The following ITGB1 variants were observed in gnomAD, a reference collection of about 807,000 sequenced individuals.
The protein encoded by ITGB1 is integrin subunit beta 1.
In ITGB1, 24 loss-of-function variants were observed where a neutral mutation model predicts 86.5. The ratio of observed to expected loss-of-function variants is 0.28; its 90% CI spans 0.20 to 0.39. The LOEUF (loss-of-function observed/expected upper bound fraction) is 0.39. Among genes scored for constraint, ITGB1 ranks in the 10% least tolerant of loss-of-function variants. The pLI, the probability that ITGB1 is intolerant of heterozygous loss-of-function variation, is 1.00. For missense variants in ITGB1, 556 were observed against 946.9 expected, an observed-to-expected ratio of 0.59 and a Z score of 5.42; for synonymous variants, 323 against 316.8, an observed-to-expected ratio of 1.02 and a Z score of -0.21.
intron 11 of ITGB1, 36 bp from the exon 12 acceptor site, chr10:32,912,160 C>T: frequency 1.9e-6 from 3 of 1,565,332 alleles, no homozygotes; most frequent in South Asian, 1.1e-5. Flanking sequence ...TCACACAAAA[C>T]AAAAATAATT....
intron 6 of ITGB1, 40 bp from the exon 7 acceptor site, chr10:32,923,780 C>G: frequency 6.5e-7 from 1 of 1,547,272 alleles, no homozygotes; most frequent in Non-Finnish European, 8.8e-7. Context: ...ACACTATTCA[C>G]AGTAATTCAA....
chr10:32,935,693 C>T, intron 1 of ITGB1, 135 bp from the exon 2 acceptor site: 2 of 651,630 alleles, frequency 3.1e-6, no homozygotes. Context: ...CACTCCAGCC[C>T]CTCTCCACAG....
intron 1 of ITGB1, among the ~76,000 whole-genome samples, chr10:32,948,196 T>G (rs1420755280): frequency 6.6e-6 from 1 of 152,202 alleles, no homozygotes; most frequent in Non-Finnish European, 1.5e-5. Context: ...TATTATACTC[T>G]TTATAGATTC....
chr10:32,935,581 T>C (rs200477252), intron 1 of ITGB1, 23 bp from the exon 2 acceptor site: 2 of 1,517,552 alleles, frequency 1.3e-6, no homozygotes, highest in Non-Finnish European at 1.8e-6. Flanking sequence ...ATGTGCCTTA[T>C]ATTAGTTATA....
intron 11 of ITGB1, among the ~76,000 whole-genome samples, chr10:32,912,878 G>A (rs1418577418): frequency 6.6e-6 from 1 of 152,196 alleles, no homozygotes; most frequent in Non-Finnish European, 1.5e-5. Flanking sequence ...GTGGGTCCCT[G>A]AGCCCGAGTA....
rs768647991 is a variant in ITGB1 at position 32,922,297 on chromosome 10, T to C, written c.1088A>G (p.Asn363Ser). ...PKSAVGTLSA[N>S]SSNVIQLIID... ...GATCAACTGAATTACATTGCTAGAA[T>C]TTGCAGATAATGTTCCTACTGCTGA... The change falls in exon 9 of 16, where the codon AAT (asparagine) becomes AGT (serine). Residue 363 changes from asparagine (N) to serine (S), a missense_variant. Coordinates refer to ENST00000302278, the MANE Select transcript of ITGB1 (RefSeq NM_002211.4). The C allele has an allele frequency of 1.9e-6, 3 of 1,610,144 alleles. No homozygotes were observed. The highest frequency in any genetic ancestry group is 1.1e-5 in the South Asian group (1 of 90,428).
At chr10:32,921,445 G>C (rs2094949670) in intron 9 of ITGB1, among the ~76,000 whole-genome samples, 2 of 152,102 alleles carry the variant, frequency 1.3e-5, no homozygotes, top group South Asian at 4.1e-4. Context: ...CATATGGTAG[G>C]CTGGCCTTTC....
At chr10:32,947,432 C>CGTGTGT (rs1186872641) in intron 1 of ITGB1, among the ~76,000 whole-genome samples, 46,093 of 137,146 alleles carry the variant, frequency 0.34, 8,848 homozygotes, top group Non-Finnish European at 0.43. Context: ...CACATATAGC[C>CGTGTGT]GTGTGTGTGT....
chr10:32,905,637 GC>G (rs907158292), intron 15 of ITGB1, among the ~76,000 whole-genome samples: 1 of 152,180 alleles, frequency 6.6e-6, no homozygotes, highest in Non-Finnish European at 1.5e-5. Flanking sequence ...TGACTAACCA[GC>G]CGTGGGAACT....
intron 1 of ITGB1, among the ~76,000 whole-genome samples, chr10:32,937,192 A>G (rs2095004796): frequency 6.6e-6 from 1 of 152,226 alleles, no homozygotes; most frequent in African/African-American, 2.4e-5. Context: ...CCTATATCCA[A>G]TAACAGGGAA....
intron 13 of ITGB1, 114 bp from the exon 14 acceptor site, chr10:32,910,569 A>T (rs1366253032): frequency 1.6e-6 from 1 of 628,872 alleles, no homozygotes; most frequent in Non-Finnish European, 2.7e-6. Flanking sequence ...ACAGCTATGA[A>T]GGAAGATTTC....
At chr10:32,940,163 G>A (rs1377127922) in intron 1 of ITGB1, among the ~76,000 whole-genome samples, 1 of 152,070 alleles carries the variant, frequency 6.6e-6, no homozygotes, top group Non-Finnish European at 1.5e-5. Flanking sequence ...GGCCAACATG[G>A]TGAAACCCCG....
chr10:32,954,855 A>G (rs1439248817), intron 1 of ITGB1, among the ~76,000 whole-genome samples: 2 of 152,210 alleles, frequency 1.3e-5, no homozygotes, highest in East Asian at 1.9e-4. Context: ...AGTTAACTCT[A>G]CCTTCTAAAG....
At chr10:32,905,530 G>C (rs562587896) in intron 15 of ITGB1, among the ~76,000 whole-genome samples, 1 of 152,266 alleles carries the variant, frequency 6.6e-6, no homozygotes, top group South Asian at 2.1e-4. Context: ...ACCAGGTAAC[G>C]GGACTTCTGA....
At chr10:32,911,032 C>A (rs1156426124) in intron 13 of ITGB1, among the ~76,000 whole-genome samples, 1 of 152,170 alleles carries the variant, frequency 6.6e-6, no homozygotes, top group Non-Finnish European at 1.5e-5. Flanking sequence ...AGCCACTGTG[C>A]TCGGCCAAAA....
chr10:32,912,351 C>CA (rs1443132154), intron 11 of ITGB1, among the ~76,000 whole-genome samples: 2 of 152,196 alleles, frequency 1.3e-5, no homozygotes, highest in Non-Finnish European at 2.9e-5. Context: ...GGCATCGCCT[C>CA]ACCCGGGAAG....
chr10:32,945,663 A>G (rs2095029821), intron 1 of ITGB1, among the ~76,000 whole-genome samples: 1 of 152,084 alleles, frequency 6.6e-6, no homozygotes, highest in South Asian at 2.1e-4. Flanking sequence ...AAAAAGTTAC[A>G]TGTCATTTGG....
At chr10:32,943,674 G>A (rs774046257) in intron 1 of ITGB1, among the ~76,000 whole-genome samples, 6 of 152,076 alleles carry the variant, frequency 3.9e-5, no homozygotes, top group Non-Finnish European at 7.4e-5. Flanking sequence ...GAAAAGGCCT[G>A]TATTAAAAAT....
intron 1 of ITGB1, among the ~76,000 whole-genome samples, chr10:32,945,455 C>T (rs369162741): frequency 4.6e-5 from 7 of 151,772 alleles, no homozygotes; most frequent in Admixed American, 6.6e-5. Flanking sequence ...AAAAATTAGC[C>T]GGGCGTGGTG....
Sources: allele counts gnomAD v4.1 joint callset (sites outside exome capture counted in the v4.1 genomes callset), GRCh38; gene constraint gnomAD v4.1.1; transcripts MANE v1.5; gene names NCBI Gene and HGNC (gene_info 2026-07-23, HGNC 2026-07-21).